The following VPS13D variants were observed in gnomAD, a reference collection of about 807,000 sequenced individuals.
VPS13D encodes vacuolar protein sorting 13 homolog D.
A neutral mutation model predicts 461.9 loss-of-function variants in VPS13D; 187 were observed. The ratio of observed to expected loss-of-function variants is 0.40; its 90% CI spans 0.36 to 0.46. The LOEUF is 0.46. VPS13D is among the 20% of genes least tolerant of loss of function. VPS13D has a pLI of 0.60. For synonymous variants in VPS13D, 1,951 were observed against 1,986.3 expected (o/e 0.98, Z 0.47); for missense variants, 4,711 against 5,364.9 (o/e 0.88, Z 3.81).
At chr1:12,262,331 A>G (rs1641136522) in intron 13 of VPS13D, among the ~76,000 whole-genome samples, 1 of 152,250 alleles carries the variant, frequency 6.6e-6, no homozygotes, top group South Asian at 2.1e-4. Context: ...GACATTTAAT[A>G]TAGATATACA....
At chr1:12,298,133 C>CG (rs1227230614) in intron 24 of VPS13D, among the ~76,000 whole-genome samples, 4 of 152,146 alleles carry the variant, frequency 2.6e-5, no homozygotes, top group Non-Finnish European at 5.9e-5. Context: ...CATTTAATCC[C>CG]TATACCTCTT....
rs775792997 is a variant in VPS13D at position 12,356,033 on chromosome 1, G to A, written c.9814G>A (p.Ala3272Thr). Residue 3272 changes from alanine (A) to threonine (T), a missense_variant, in exon 48 of 70, where the codon GCA becomes ACA. By Grantham distance (58) the Ala-to-Thr change is moderately conservative (BLOSUM62 0). Around this residue, in one of 3 missense-constraint regions of VPS13D, gnomAD observed 4,411 missense variants for 4,937.8 expected, o/e 0.89. Coordinates refer to ENST00000620676, the MANE Select transcript of VPS13D (RefSeq NM_015378.4). ...CCTCACCATCCGGATTGTGTGTCGAGCAGAAGGATCCTTAAAGATCTTCAT... is the reference window on the plus strand; with the variant it reads ...CCTCACCATCCGGATTGTGTGTCGAACAGAAGGATCCTTAAAGATCTTCAT... ...LNLTIRIVCR[A>T]EGSLKIFISA... 9.3e-6 allele frequency: 15 copies of A among 1,614,040 alleles called. No homozygotes were observed. Among genetic ancestry groups the A allele is most frequent in the Non-Finnish European group, 1.3e-5 (15 of 1,179,962 alleles).
At chr1:12,463,525 A>C (rs569596579) in intron 67 of VPS13D, among the ~76,000 whole-genome samples, 2 of 152,094 alleles carry the variant, frequency 1.3e-5, no homozygotes, top group African/African-American at 2.4e-5. Context: ...CCAAGGTGGG[A>C]GGATTGCTTG....
intron 66 of VPS13D, among the ~76,000 whole-genome samples, chr1:12,458,789 T>G (rs1355813995): frequency 1.3e-5 from 2 of 152,360 alleles, no homozygotes; most frequent in African/African-American, 4.8e-5. Flanking sequence ...AGATGCTCCC[T>G]AGACGGGCTG....
Position 12,486,605 on chromosome 1 carries a change from T to G in VPS13D, c.12663-10895T>G, listed in dbSNP as rs187170441. On this transcript the variant is annotated intron_variant, in intron 67 of 69. Coordinates refer to ENST00000620676, the MANE Select transcript of VPS13D (RefSeq NM_015378.4). ...GGCAGCTCTCCAGTTGCCCTCTGGG[T>G]GAACGTGACCCAGGTCGGTAACTTT... Among the ~76,000 whole-genome samples the G allele has an allele frequency of 1.8e-3, 268 of 152,314 alleles. 1 individual carries two copies. Among genetic ancestry groups the G allele is most frequent in the Non-Finnish European group, 2.9e-3 (194 of 68,020 alleles).
intron 63 of VPS13D, among the ~76,000 whole-genome samples, chr1:12,404,195 A>G (rs1319622798): frequency 6.6e-6 from 1 of 151,388 alleles, no homozygotes; most frequent in African/African-American, 2.4e-5. Flanking sequence ...AAACTTAAAT[A>G]CGACATTGCC....
At chr1:12,447,242 G>A (rs545014894) in intron 65 of VPS13D, among the ~76,000 whole-genome samples, 16 of 152,232 alleles carry the variant, frequency 1.1e-4, no homozygotes, top group African/African-American at 3.4e-4. Context: ...ATTTTTCTAC[G>A]AAGACAATAG....
chr1:12,271,187 A>C, intron 17 of VPS13D, 63 bp downstream of exon 17: 1 of 1,603,312 alleles, frequency 6.2e-7, no homozygotes, highest in Non-Finnish European at 8.5e-7. Context: ...CTTTCCGTCA[A>C]GTCACTACTT....
intron 63 of VPS13D, 145 bp downstream of exon 63, chr1:12,404,118 A>T (rs1570105028): frequency 1.8e-6 from 1 of 568,834 alleles, no homozygotes. Flanking sequence ...TTTTATTTTT[A>T]CAGATTTCCT....
At chr1:12,260,889 A>G in intron 11 of VPS13D, 59 bp from the exon 12 acceptor site, 1 of 1,612,020 alleles carries the variant, frequency 6.2e-7, no homozygotes, top group Non-Finnish European at 8.5e-7. Flanking sequence ...AAACAGCAGC[A>G]TATCACAGCT....
chr1:12,301,748 A>G (rs1257159928), intron 25 of VPS13D, among the ~76,000 whole-genome samples: 1 of 152,196 alleles, frequency 6.6e-6, no homozygotes, highest in African/African-American at 2.4e-5. Flanking sequence ...CTCTAATCAC[A>G]CGGTTGCCTG....
chr1:12,441,802 C>T (rs1012096685), intron 65 of VPS13D, among the ~76,000 whole-genome samples: 6 of 152,206 alleles, frequency 3.9e-5, no homozygotes, highest in African/African-American at 1.4e-4. Flanking sequence ...TATCATTGGT[C>T]ATCTAAAGTC....
chr1:12,236,669 C>T (rs563939490), intron 2 of VPS13D, among the ~76,000 whole-genome samples: 3 of 152,152 alleles, frequency 2.0e-5, no homozygotes, highest in Non-Finnish European at 4.4e-5. Flanking sequence ...AGGCATGTTC[C>T]ACTGCACCCG....
intron 65 of VPS13D, among the ~76,000 whole-genome samples, chr1:12,435,064 C>T (rs138489858): frequency 0.014 from 2,090 of 152,202 alleles, 62 homozygotes; most frequent in African/African-American, 0.048. Flanking sequence ...GTATCCTTAC[C>T]GTAAGTGTTT....
chr1:12,419,976 G>C (rs1644842820), intron 65 of VPS13D, among the ~76,000 whole-genome samples: 1 of 152,182 alleles, frequency 6.6e-6, no homozygotes, highest in South Asian at 2.1e-4. Context: ...TAGAGTAAAA[G>C]TATGGTATTA....
intron 67 of VPS13D, chr1:12,497,299 G>A (rs1645972624): frequency 2.1e-6 from 1 of 466,436 alleles, no homozygotes; most frequent in Non-Finnish European, 3.5e-6. Context: ...GCCAGAAAAT[G>A]GTAGAGGCAG....
chr1:12,231,033 C>T (rs1639955930), intron 1 of VPS13D, among the ~76,000 whole-genome samples: 1 of 152,210 alleles, frequency 6.6e-6, no homozygotes. Flanking sequence ...GCCCTGGCCG[C>T]CTCGGGGAGG....
At chr1:12,494,749 G>A (rs1645933669) in intron 67 of VPS13D, among the ~76,000 whole-genome samples, 1 of 152,210 alleles carries the variant, frequency 6.6e-6, no homozygotes, top group Non-Finnish European at 1.5e-5. Context: ...TTTGATCAGT[G>A]GGGCAGACAG....
At chr1:12,239,378 A>G (rs1051329701) in intron 2 of VPS13D, among the ~76,000 whole-genome samples, 17 of 152,322 alleles carry the variant, frequency 1.1e-4, no homozygotes, top group Non-Finnish European at 2.2e-4. Context: ...GGCTCAAGCA[A>G]TCCTCCTGCC....
Sources: gnomAD v4.1 joint callset for allele counts (sites outside exome capture counted in the v4.1 genomes callset) on GRCh38, gnomAD v4.1.1 for gene constraint, gnomAD v4.1.1 regional missense constraint, MANE v1.5 for transcripts, NCBI Gene and HGNC (gene_info 2026-07-23, HGNC 2026-07-21) for gene names.